The following TENT2 variants were observed in gnomAD, a reference collection of about 807,000 sequenced individuals.
TENT2 encodes poly(A) RNA polymerase GLD2.
TENT2 carries 44 observed loss-of-function variants against 72.2 expected under a neutral mutation model. The ratio of observed to expected loss-of-function variants is 0.61; its 90% CI spans 0.48 to 0.78. TENT2 has a LOEUF of 0.78. TENT2 is among the 30% of genes least tolerant of loss of function. The probability of loss-of-function intolerance (pLI) is 0.00; values close to 1 mark genes in which losing one functional copy is unlikely to be tolerated. For missense variants in TENT2, 541 were observed against 569.6 expected (o/e 0.95, Z 0.51); for synonymous variants, 212 against 192.5 (o/e 1.10, Z -0.84).
At chr5:79,642,931 GTTTGT>G in intron 7 of TENT2, 21 bp downstream of exon 7, 2 of 1,604,218 alleles carry the variant, frequency 1.2e-6, no homozygotes, top group Non-Finnish European at 1.7e-6. Context: ...CATGCCTCAA[GTTTGT>G]ATGTCACCTG....
At chr5:79,629,826 C>G (rs1007276519) in intron 4 of TENT2, among the ~76,000 whole-genome samples, 9 of 128,786 alleles carry the variant, frequency 7.0e-5, no homozygotes, top group Non-Finnish European at 9.8e-5. Context: ...GACTCTGTCT[C>G]AAAAAAAAAA....
At chr5:79,631,380 G>C (rs868057036) in intron 4 of TENT2, among the ~76,000 whole-genome samples, 2 of 152,324 alleles carry the variant, frequency 1.3e-5, no homozygotes, top group African/African-American at 4.8e-5. Context: ...TGACTCATGA[G>C]TCTGTGGACA....
chr5:79,615,416 TAAAC>T (rs762687199), intron 1 of TENT2, among the ~76,000 whole-genome samples: 9 of 152,210 alleles, frequency 5.9e-5, no homozygotes, highest in South Asian at 2.1e-4. Context: ...CCGATTTAAA[TAAAC>T]CTGAAAGTAC....
chr5:79,633,432 GTTTTT>G (rs539713889), intron 4 of TENT2, among the ~76,000 whole-genome samples: 1 of 80,348 alleles, frequency 1.2e-5, no homozygotes, highest in African/African-American at 4.9e-5. Context: ...CAGCTAAAAA[GTTTTT>G]TTTTTTTTTT....
At chr5:79,613,917 T>C (rs148465563) in intron 1 of TENT2, 10 of 152,162 alleles carry the variant, frequency 6.6e-5, no homozygotes, top group African/African-American at 2.4e-4. Context: ...GCCAGTAAAT[T>C]TCTGGTTTTC....
chr5:79,615,896 GT>G (rs1024857289), intron 1 of TENT2, among the ~76,000 whole-genome samples: 78 of 145,336 alleles, frequency 5.4e-4, no homozygotes, highest in Admixed American at 4.2e-3. Context: ...TTGTGTGTTT[GT>G]TTTTTTTTTG....
chr5:79,670,757 A>G (rs1287962608), intron 12 of TENT2, among the ~76,000 whole-genome samples: 1 of 150,780 alleles, frequency 6.6e-6, no homozygotes, highest in East Asian at 1.9e-4. Flanking sequence ...GCTAATGTTT[A>G]GTGAGAATTT....
intron 4 of TENT2, 23 bp from the exon 5 acceptor site, chr5:79,640,828 C>CT (rs770519264): frequency 1.0e-4 from 154 of 1,521,874 alleles, no homozygotes; most frequent in South Asian, 5.2e-4. Context: ...AAAACTTTTA[C>CT]TTTTTTTTGC....
intron 4 of TENT2, among the ~76,000 whole-genome samples, chr5:79,634,558 C>T (rs979087905): frequency 2.0e-4 from 30 of 152,096 alleles, no homozygotes; most frequent in African/African-American, 6.7e-4. Context: ...AGGCTGGTCT[C>T]GAACTCCTGA....
At chr5:79,621,646 T>C (rs1764893523) in intron 3 of TENT2, among the ~76,000 whole-genome samples, 1 of 150,932 alleles carries the variant, frequency 6.6e-6, no homozygotes, top group Admixed American at 6.6e-5. Context: ...TAATCCCAGC[T>C]ACTCAGGAGG....
chr5:79,615,138 A>G (rs575991152), intron 1 of TENT2: 2 of 152,304 alleles, frequency 1.3e-5, no homozygotes, highest in Non-Finnish European at 2.9e-5. Flanking sequence ...TCTGCCCTAG[A>G]CTAAACATCT....
At chr5:79,659,289 C>A (rs992781989) in intron 11 of TENT2, among the ~76,000 whole-genome samples, 1 of 151,396 alleles carries the variant, frequency 6.6e-6, no homozygotes, top group Non-Finnish European at 1.5e-5. Flanking sequence ...AATCCCAGCA[C>A]TTTGGGAGGC....
In TENT2 at chr5:79,669,038, A is replaced by G. The variant is rs186061421; in HGVS notation, c.1208+10A>G. 7.1e-5 allele frequency: 114 copies of G among 1,612,756 alleles called. No individual in the cohort carries two copies. In the Admixed American group the frequency reaches 1.9e-3, roughly 27 times the overall value. On this transcript the variant is annotated intron_variant, in intron 12 of 14. Transcript: ENST00000453514. ...ATGCTACAGAATTTGAGTAAGTAAA[A>G]CTTTAAATTGTGTTTGTTCACTTAT...
chr5:79,680,292 T>C (rs1015017604), intron 13 of TENT2, among the ~76,000 whole-genome samples: 7 of 152,190 alleles, frequency 4.6e-5, no homozygotes, highest in Non-Finnish European at 1.0e-4. Context: ...AATCTTGAAT[T>C]ATATGCAGTA....
chr5:79,640,133 G>A (rs1783254622), intron 4 of TENT2, among the ~76,000 whole-genome samples: 1 of 151,958 alleles, frequency 6.6e-6, no homozygotes, highest in Admixed American at 6.6e-5. Context: ...GCACATGCCT[G>A]TATTCTCAGC....
At chr5:79,649,251 T>C in intron 10 of TENT2, 61 bp downstream of exon 10, 1 of 1,479,050 alleles carries the variant, frequency 6.8e-7, no homozygotes. Context: ...TTATGGTGTC[T>C]TCTCTGTTGA....
In TENT2 at chr5:79,619,759, T is replaced by C; in HGVS notation, c.111T>C (p.Asp37=). Residue 37 remains aspartate (D), a synonymous_variant, in exon 2 of 15, where the codon GAT becomes GAC. Transcript: ENST00000453514. The part of the protein sequence containing the change: ...PTVYSHQQLI[D]AQFNFQNADL... ...TTTATTCACACCAGCAGCTTATAGATGCACAATTCAACTTTCAGAATGCAG... is the reference window on the plus strand; with the variant it reads ...TTTATTCACACCAGCAGCTTATAGACGCACAATTCAACTTTCAGAATGCAG... 6.2e-7 allele frequency: 1 copy of C among 1,613,462 alleles called. No homozygotes were observed. Among genetic ancestry groups the C allele is most frequent in the Non-Finnish European group, 8.5e-7 (1 of 1,179,666 alleles).
intron 7 of TENT2, among the ~76,000 whole-genome samples, chr5:79,643,280 A>T (rs1785882574): frequency 6.6e-6 from 1 of 152,202 alleles, no homozygotes; most frequent in Admixed American, 6.5e-5. Context: ...TATGTGTGAG[A>T]GAGAATTTCA....
intron 2 of TENT2, 78 bp from the exon 3 acceptor site, chr5:79,619,911 TATTTA>T: frequency 6.9e-7 from 1 of 1,450,318 alleles, no homozygotes; most frequent in Non-Finnish European, 9.4e-7. Context: ...GATACGGATG[TATTTA>T]ATTTTTTTTC....
Sources: allele counts gnomAD v4.1 joint callset (sites outside exome capture counted in the v4.1 genomes callset), GRCh38; gene constraint gnomAD v4.1.1; transcripts MANE v1.5; gene names NCBI Gene and HGNC (gene_info 2026-07-23, HGNC 2026-07-21).